The following GRM4 variants were observed in gnomAD, a reference collection of about 807,000 sequenced individuals.
GRM4 encodes glutamate metabotropic receptor 4.
In GRM4, 28 loss-of-function variants were observed where a neutral mutation model predicts 81.7. The observed-to-expected ratio is 0.34, with a 90% CI of 0.25 to 0.47. GRM4 has a LOEUF of 0.47. Ranked by LOEUF, GRM4 falls within the 20% of genes least tolerant of loss-of-function variation. The pLI is 1.00. For synonymous variants in GRM4, 488 were observed against 528.8 expected (o/e 0.92, Z 1.06); for missense variants, 948 against 1,290.0 (o/e 0.73, Z 4.06).
chr6:34,103,495 G>T, intron 2 of GRM4: 1 of 1,037,054 alleles, frequency 9.6e-7, no homozygotes, highest in Non-Finnish European at 1.4e-6. Flanking sequence ...AGGCGGGGGC[G>T]GCGGGCGAGG....
intron 6 of GRM4, chr6:34,056,320 C>T (rs1765869924): frequency 1.8e-6 from 1 of 569,058 alleles, no homozygotes; most frequent in African/African-American, 1.9e-5. Flanking sequence ...GAGGCCTTAC[C>T]ACTCCCAAGG....
intron 2 of GRM4, among the ~76,000 whole-genome samples, chr6:34,129,004 C>T (rs1770134281): frequency 6.7e-6 from 1 of 148,648 alleles, no homozygotes; most frequent in Admixed American, 7.0e-5. Flanking sequence ...CGAACAATGA[C>T]TTTTCAGGAA....
rs1038255890 is a variant in GRM4 at position 34,019,710 on chromosome 6, C to T, written c.*3111G>A. ...TCTCTAGGGGCCGCTGGCTCCCTAT[C>T]CAGGGTGCCAGGGACCCTGAACCCC... On this transcript the variant is annotated 3_prime_UTR_variant, in exon 11 of 11. Coordinates refer to ENST00000538487, the MANE Select transcript of GRM4 (RefSeq NM_000841.4). 3.9e-5 allele frequency: 6 copies of T among 152,206 alleles called. No individual in the cohort carries two copies. Among genetic ancestry groups the T allele is most frequent in the African/African-American group, 1.2e-4 (5 of 41,426 alleles). 9.4% of individuals were successfully genotyped at this position (152,206 alleles called of 1,614,324 possible).
chr6:34,126,686 G>A (rs1386440897), intron 2 of GRM4, among the ~76,000 whole-genome samples: 1 of 152,226 alleles, frequency 6.6e-6, no homozygotes, highest in Non-Finnish European at 1.5e-5. Context: ...CTCGCAGAGA[G>A]CTCCCAAGAC....
rs1765051578 is a variant in GRM4 at position 34,042,245 on chromosome 6, G to A, written c.1169-1497C>T. On this transcript the variant is annotated intron_variant, in intron 6 of 10. Coordinates refer to ENST00000538487, the MANE Select transcript of GRM4 (RefSeq NM_000841.4). This position sits in a 1 kb window ranked among gnomAD's most constrained non-coding sequence, Gnocchi z 4.2. ...TGCACCATTGCACTCCAGCCTGAGC[G>A]ACAGAGTGAGACTCCATCTCAAAAA... is the stretch of plus-strand genomic sequence containing the variant. Among the ~76,000 whole-genome samples the A allele has an allele frequency of 6.6e-6, 1 of 152,210 alleles. No homozygotes were observed. Among genetic ancestry groups the A allele is most frequent in the African/African-American group, 2.4e-5 (1 of 41,446 alleles).
At position 34,115,537 on chromosome 6, in the gene GRM4, T is replaced by C. The variant is rs1313232479; in HGVS notation, c.519+17441A>G. The stretch of plus-strand genomic sequence containing the variant: ...GCCACAAGGTCCTGGTTCAGGACCT[T>C]GGACAGCAGCCTCCAGGGGTCTGCC... On this transcript the variant is annotated intron_variant, in intron 2 of 10. Coordinates refer to ENST00000538487, the MANE Select transcript of GRM4 (RefSeq NM_000841.4). This position sits in a 1 kb window ranked among gnomAD's most constrained non-coding sequence, Gnocchi z 4.1. Among the ~76,000 whole-genome samples the C allele has an allele frequency of 6.6e-6, 1 of 152,154 alleles. No individual in the cohort carries two copies. Among genetic ancestry groups the C allele is most frequent in the African/African-American group, 2.4e-5 (1 of 41,438 alleles).
intron 1 of GRM4, among the ~76,000 whole-genome samples, chr6:34,145,626 G>T (rs2127519828): frequency 6.6e-6 from 1 of 152,318 alleles, no homozygotes; most frequent in South Asian, 2.1e-4. Context: ...AGAGAGCGAG[G>T]AAGGCGCTGA....
chr6:34,043,256 C>T (rs1245769849), intron 6 of GRM4, among the ~76,000 whole-genome samples: 3 of 152,160 alleles, frequency 2.0e-5, no homozygotes, highest in Non-Finnish European at 2.9e-5. Flanking sequence ...ACAGGATGAA[C>T]ACAAAAGACA....
chr6:34,154,701 T>TG (rs942531197), intron 1 of GRM4, among the ~76,000 whole-genome samples: 63 of 151,550 alleles, frequency 4.2e-4, no homozygotes, highest in African/African-American at 1.2e-3. Context: ...GACAGACACG[T>TG]GGGGGGGAGT....
intron 10 of GRM4, among the ~76,000 whole-genome samples, chr6:34,027,348 C>G (rs1267268078): frequency 6.6e-6 from 1 of 152,160 alleles, no homozygotes; most frequent in Admixed American, 6.5e-5. Flanking sequence ...CTGGAGGGAC[C>G]TGTCCTGGCC....
chr6:34,093,788 C>T (rs1376628010), intron 2 of GRM4, among the ~76,000 whole-genome samples: 3 of 152,224 alleles, frequency 2.0e-5, no homozygotes, highest in South Asian at 2.1e-4. Flanking sequence ...GCCCGCTCTC[C>T]GCCTCCCCTG....
At chr6:34,138,742 T>G (rs1253867000) in intron 1 of GRM4, among the ~76,000 whole-genome samples, 1 of 152,180 alleles carries the variant, frequency 6.6e-6, no homozygotes, top group East Asian at 1.9e-4. Flanking sequence ...AGCACAGCCC[T>G]CCTCGTGCTG....
Position 34,040,573 on chromosome 6 carries a change from C to T in GRM4, c.1344G>A (p.Lys448=). ...CTGAGAAGTTGACGTTTCGGATGTA[C>T]TTAAGCAGCTGGGTGCCATCTACAG... ...MDPVDGTQLL[K]YIRNVNFSGI... is the part of the protein sequence containing the mutation. Residue 448 remains lysine (K), a synonymous_variant, in exon 7 of 11, where the codon AAG becomes AAA. Transcript: ENST00000538487. The T allele has an allele frequency of 6.2e-7, 1 of 1,613,820 alleles. No homozygotes were observed. Among genetic ancestry groups the T allele is most frequent in the Non-Finnish European group, 8.5e-7 (1 of 1,179,842 alleles).
At chr6:34,071,611 ACC>A (rs536946165) in intron 3 of GRM4, among the ~76,000 whole-genome samples, 1,566 of 53,802 alleles carry the variant, frequency 0.029, no homozygotes, top group African/African-American at 0.2. Flanking sequence ...TACCACACAC[ACC>A]CATACATCAC....
At chr6:34,032,218 C>T (rs1307477820) in intron 9 of GRM4, among the ~76,000 whole-genome samples, 1 of 152,120 alleles carries the variant, frequency 6.6e-6, no homozygotes, top group Non-Finnish European at 1.5e-5. Flanking sequence ...GCTTAATCTG[C>T]ATGCACATGG....
intron 1 of GRM4, among the ~76,000 whole-genome samples, chr6:34,141,465 G>A (rs1037255391): frequency 1.4e-4 from 21 of 152,240 alleles, no homozygotes; most frequent in African/African-American, 4.6e-4. Flanking sequence ...TATGCACTGC[G>A]TTCCCCAATT....
intron 6 of GRM4, 33 bp downstream of exon 6, chr6:34,056,511 G>C: frequency 7.5e-6 from 12 of 1,592,062 alleles, no homozygotes; most frequent in Non-Finnish European, 1.0e-5. Flanking sequence ...TCCTCCTAGA[G>C]CCCGCCCGGC....
rs1301252095 is a variant in GRM4, at chr6:34,080,587, C to A, written c.736+11296G>T. 6.6e-6 allele frequency among the ~76,000 whole-genome samples: 1 copy of A among 152,136 alleles called. No individual in the cohort carries two copies. The highest frequency in any genetic ancestry group is 1.5e-5 in the Non-Finnish European group (1 of 68,026). Reference sequence around the variant, plus strand: ...GGGCAGAAGGAAAAAAATGGCCACGCCCCTCCTCACCAGCCATACCCCTGG... The same window carrying A: ...GGGCAGAAGGAAAAAAATGGCCACGACCCTCCTCACCAGCCATACCCCTGG... On this transcript the variant is annotated intron_variant, in intron 3 of 10. Coordinates refer to ENST00000538487, the MANE Select transcript of GRM4 (RefSeq NM_000841.4). The surrounding 1 kb of genome is among the most constrained non-coding windows in gnomAD (Gnocchi z 5.4).
At chr6:34,095,631 G>A (rs1454580213) in intron 2 of GRM4, among the ~76,000 whole-genome samples, 2 of 152,138 alleles carry the variant, frequency 1.3e-5, no homozygotes, top group Middle Eastern at 3.2e-3. Context: ...CATTCCTCCC[G>A]CTAAACCTCC....
Sources: gnomAD v4.1 joint callset for allele counts (sites outside exome capture counted in the v4.1 genomes callset) on GRCh38, gnomAD v4.1.1 for gene constraint, Gnocchi (gnomAD v3.1) non-coding constraint, MANE v1.5 for transcripts, NCBI Gene and HGNC (gene_info 2026-07-23, HGNC 2026-07-21) for gene names.